Variants in TMTC2 observed in about 807,000 individuals in gnomAD.
The protein encoded by TMTC2 is protein O-mannosyl-transferase TMTC2.
Under a neutral mutation model 82.4 loss-of-function variants are expected in TMTC2, and 43 were observed. That is an observed-to-expected ratio of 0.52 (90% CI 0.41 to 0.67). TMTC2 has a LOEUF of 0.67. Among genes scored for constraint, TMTC2 ranks in the 30% least tolerant of loss-of-function variants. The pLI, the probability that TMTC2 is intolerant of heterozygous loss-of-function variation, is 0.00. For synonymous variants in TMTC2, 408 were observed against 381.9 expected (o/e 1.07, Z -0.80); for missense variants, 919 against 1,012.4 (o/e 0.91, Z 1.25).
intron 10 of TMTC2, among the ~76,000 whole-genome samples, chr12:83,052,382 A>G (rs191557741): frequency 6.6e-6 from 1 of 152,264 alleles, no homozygotes; most frequent in East Asian, 1.9e-4. Context: ...GCTGACACCT[A>G]CAAAGGGAAA....
chr12:82,726,894 A>G (rs1159024175), intron 1 of TMTC2, among the ~76,000 whole-genome samples: 1 of 151,438 alleles, frequency 6.6e-6, no homozygotes, highest in Admixed American at 6.6e-5. Context: ...AAAAAAAAAA[A>G]AAAAAAGGAA....
At chr12:83,049,431 G>A (rs1882264541) in intron 9 of TMTC2, among the ~76,000 whole-genome samples, 2 of 152,088 alleles carry the variant, frequency 1.3e-5, no homozygotes, top group African/African-American at 4.8e-5. Flanking sequence ...TTCTGTTCCT[G>A]TGTTAGTTTG....
intron 11 of TMTC2, among the ~76,000 whole-genome samples, chr12:83,070,613 A>G (rs1883074863): frequency 6.6e-6 from 1 of 152,086 alleles, no homozygotes; most frequent in Non-Finnish European, 1.5e-5. Flanking sequence ...GTGTTTTCAA[A>G]GTAAATGATT....
chr12:83,129,699 C>A (rs1434923598), intron 11 of TMTC2, among the ~76,000 whole-genome samples: 2 of 152,138 alleles, frequency 1.3e-5, no homozygotes, highest in Admixed American at 1.3e-4. Flanking sequence ...GTTGTTCAGG[C>A]ACACTAACAA....
chr12:82,835,319 A>C (rs1364583302), intron 1 of TMTC2, among the ~76,000 whole-genome samples: 2 of 152,152 alleles, frequency 1.3e-5, no homozygotes, highest in Non-Finnish European at 2.9e-5. Context: ...ATTTGTTTTC[A>C]TTGATGTCTA....
At chr12:82,964,975 A>G in intron 4 of TMTC2, 49 bp from the exon 5 acceptor site, 2 of 1,368,866 alleles carry the variant, frequency 1.5e-6, no homozygotes, top group Non-Finnish European at 2.0e-6. Flanking sequence ...TTGTGGTTTT[A>G]TATATAATAA....
rs141514792 is a variant in TMTC2, at chr12:82,999,913, C to G, written c.2070+13867C>G. ...TGCCTTCCCAACAGTCTCCCAAAGT[C>G]TTAACTCATTTCAGCATTAACTTAA... is the stretch of plus-strand genomic sequence containing the variant. On this transcript the variant is annotated intron_variant, in intron 8 of 11. Coordinates refer to ENST00000321196, the MANE Select transcript of TMTC2 (RefSeq NM_152588.3). Among the ~76,000 whole-genome samples the G allele has an allele frequency of 5.3e-5, 8 of 152,300 alleles. No homozygotes were observed. In the South Asian group the frequency reaches 1.7e-3, roughly 32 times the overall value.
intron 1 of TMTC2, among the ~76,000 whole-genome samples, chr12:82,834,971 G>T (rs900239851): frequency 2.6e-5 from 4 of 151,680 alleles, no homozygotes; most frequent in African/African-American, 9.7e-5. Flanking sequence ...TCTGTCTCCC[G>T]AGTTCAAACA....
At chr12:82,924,790 T>C (rs1397394533) in intron 3 of TMTC2, among the ~76,000 whole-genome samples, 1 of 152,206 alleles carries the variant, frequency 6.6e-6, no homozygotes, top group Non-Finnish European at 1.5e-5. Flanking sequence ...TCGCTTGCAG[T>C]GAGTACCTTC....
intron 4 of TMTC2, among the ~76,000 whole-genome samples, chr12:82,963,792 C>CATAT (rs58960088): frequency 3.8e-5 from 2 of 53,054 alleles, no homozygotes; most frequent in Non-Finnish European, 9.1e-5. Flanking sequence ...TCCAGATTTT[C>CATAT]ATATATATAT....
chr12:82,973,696 A>G (rs1878545654), intron 7 of TMTC2, among the ~76,000 whole-genome samples: 1 of 152,228 alleles, frequency 6.6e-6, no homozygotes, highest in African/African-American at 2.4e-5. Flanking sequence ...GTTCAGCTGC[A>G]TTAAGTAGGT....
At chr12:83,039,255 T>C (rs1265166170) in intron 9 of TMTC2, among the ~76,000 whole-genome samples, 2 of 152,090 alleles carry the variant, frequency 1.3e-5, no homozygotes, top group African/African-American at 4.8e-5. Context: ...CTTAATCTAT[T>C]GTTCAAGTAG....
At chr12:82,852,133 G>A (rs1379759138) in intron 1 of TMTC2, among the ~76,000 whole-genome samples, 8 of 144,392 alleles carry the variant, frequency 5.5e-5, no homozygotes, top group Non-Finnish European at 1.2e-4. Context: ...ATGGAGTCTC[G>A]CTCTGTCGCC....
intron 1 of TMTC2, among the ~76,000 whole-genome samples, chr12:82,841,826 T>A (rs1464153695): frequency 6.6e-6 from 1 of 152,230 alleles, no homozygotes; most frequent in Non-Finnish European, 1.5e-5. Flanking sequence ...TAAAGCTGCC[T>A]TTTCCACCCG....
At chr12:82,755,451 A>G (rs537941799) in intron 1 of TMTC2, among the ~76,000 whole-genome samples, 1 of 152,234 alleles carries the variant, frequency 6.6e-6, no homozygotes, top group Admixed American at 6.5e-5. Context: ...CTGATGATTA[A>G]TTAATCAAAA....
intron 1 of TMTC2, among the ~76,000 whole-genome samples, chr12:82,762,264 G>T (rs1876694413): frequency 6.6e-6 from 1 of 152,108 alleles, no homozygotes. Context: ...ACCACGCGTG[G>T]CCGACTGTTT....
chr12:82,997,221 C>CTCTATATATATATA (rs1451262969), intron 8 of TMTC2, among the ~76,000 whole-genome samples: 1 of 118,512 alleles, frequency 8.4e-6, no homozygotes, highest in African/African-American at 3.7e-5. Flanking sequence ...CTCTCTCTCT[C>CTCTATATATATATA]TATATATATA....
chr12:82,940,014 CT>C (rs71309537), intron 4 of TMTC2, among the ~76,000 whole-genome samples: 7,135 of 91,286 alleles, frequency 0.078, 75 homozygotes, highest in African/African-American at 0.11. Context: ...TCTTTCTTTA[CT>C]TTTTTTTTTT....
At chr12:82,819,804 C>A (rs1041624814) in intron 1 of TMTC2, among the ~76,000 whole-genome samples, 10 of 152,036 alleles carry the variant, frequency 6.6e-5, no homozygotes, top group African/African-American at 2.4e-4. Context: ...CCGTGCCCAG[C>A]CCCTCATAGT....
Sources: gnomAD v4.1 joint callset for allele counts (sites outside exome capture counted in the v4.1 genomes callset) on GRCh38, gnomAD v4.1.1 for gene constraint, MANE v1.5 for transcripts, NCBI Gene and HGNC (gene_info 2026-07-23, HGNC 2026-07-21) for gene names.